Variants in LHFPL3 observed in about 807,000 individuals in gnomAD.
LHFPL3 encodes the protein LHFPL tetraspan subfamily member 3, also known as LHFPL tetraspan subfamily member 3 protein.
Under a neutral mutation model 19.3 loss-of-function variants are expected in LHFPL3, and 5 were observed. The ratio of observed to expected loss-of-function variants is 0.26; its 90% CI spans 0.14 to 0.54. The LOEUF is 0.54. LHFPL3 is among the 20% of genes least tolerant of loss of function. LHFPL3 has a pLI of 0.94. For missense variants in LHFPL3, 249 were observed against 307.4 expected, an observed-to-expected ratio of 0.81 and a Z score of 1.42; for synonymous variants, 133 against 126.2, an observed-to-expected ratio of 1.05 and a Z score of -0.36.
Position 104,544,031 on chromosome 7 carries a change from A to G in LHFPL3, c.446-192644A>G, listed in dbSNP as rs1028981014. Among the ~76,000 whole-genome samples the G allele has an allele frequency of 1.1e-4, 17 of 151,366 alleles. No homozygotes were observed. In the East Asian group the frequency reaches 2.9e-3, roughly 26 times the overall value. ...GTTCTGCACATGTATCCCAGAACTTAAAGTAAAATTAAAAAAAAAAAAAGC... is the reference window on the plus strand; with the variant it reads ...GTTCTGCACATGTATCCCAGAACTTGAAGTAAAATTAAAAAAAAAAAAAGC... On this transcript the variant is annotated intron_variant, in intron 1 of 2. Transcript: ENST00000424859.
chr7:104,727,194 T>C (rs1793608098), intron 1 of LHFPL3, among the ~76,000 whole-genome samples: 1 of 152,202 alleles, frequency 6.6e-6, no homozygotes, highest in African/African-American at 2.4e-5. Context: ...TTCTTGTAAA[T>C]TTGTTAAAGT....
rs185832533 is a variant in LHFPL3, at chr7:104,368,151, A to C, written c.445+38927A>C. ...ATTTAGACTTGATAGGTTTACTGTGAAATTCAGGAGGGCTGAATTAGGAGC... is the reference window on the plus strand; with the variant it reads ...ATTTAGACTTGATAGGTTTACTGTGCAATTCAGGAGGGCTGAATTAGGAGC... On this transcript the variant is annotated intron_variant, in intron 1 of 2. Transcript: ENST00000424859. Among the ~76,000 whole-genome samples, 207 of 152,312 alleles carry C rather than the reference A, an allele frequency of 1.4e-3. 1 individual carries two copies. The highest frequency in any genetic ancestry group is 4.7e-3 in the African/African-American group (196 of 41,568).
chr7:104,801,863 C>G (rs1790253899), intron 2 of LHFPL3, among the ~76,000 whole-genome samples: 1 of 152,200 alleles, frequency 6.6e-6, no homozygotes, highest in Admixed American at 6.5e-5. Flanking sequence ...AGCCACCATG[C>G]CCGGCCAAGT....
intron 2 of LHFPL3, chr7:104,744,134 A>C (rs565564069): frequency 2.0e-5 from 3 of 151,448 alleles, no homozygotes; most frequent in East Asian, 1.9e-4. Context: ...CATATAATCA[A>C]TTCTTATAGA....
chr7:104,736,660 CTCTT>C lies in LHFPL3; in HGVS notation c.446-11_446-8del. The C allele has an allele frequency of 6.4e-7, 1 of 1,562,774 alleles. No homozygotes were observed. The highest frequency in any genetic ancestry group is 8.8e-7 in the Non-Finnish European group (1 of 1,139,470). ...TCTTTTTTGTTTCTTTTGTTTTTCT[CTCTT>C]TCTCTCCAAGCTGCCTGCCTTGTGC... On this transcript the variant is annotated splice_polypyrimidine_tract_variant and intron_variant, in intron 1 of 2. Coordinates refer to ENST00000424859, the MANE Select transcript of LHFPL3 (RefSeq NM_199000.3).
chr7:104,445,043 A>G (rs1010386883), intron 1 of LHFPL3, among the ~76,000 whole-genome samples: 5 of 151,746 alleles, frequency 3.3e-5, no homozygotes, highest in African/African-American at 1.2e-4. Flanking sequence ...GATTAATTTG[A>G]ATATACTCTA....
intron 2 of LHFPL3, among the ~76,000 whole-genome samples, chr7:104,827,896 T>C (rs1169977629): frequency 6.6e-6 from 1 of 151,930 alleles, no homozygotes; most frequent in Non-Finnish European, 1.5e-5. Flanking sequence ...CAAAGGAGGC[T>C]AGACCCTCTT....
chr7:104,509,525 G>A (rs1266910610), intron 1 of LHFPL3, among the ~76,000 whole-genome samples: 1 of 151,778 alleles, frequency 6.6e-6, no homozygotes, highest in African/African-American at 2.4e-5. Context: ...TTTGATAAAA[G>A]TCAACACCCA....
intron 1 of LHFPL3, among the ~76,000 whole-genome samples, chr7:104,507,681 A>T (rs1459013190): frequency 1.6e-5 from 2 of 126,710 alleles, no homozygotes; most frequent in African/African-American, 5.8e-5. Flanking sequence ...AACCTACAAA[A>T]TGGGAGAAAA....
chr7:104,349,389 G>T (rs892416641), intron 1 of LHFPL3, among the ~76,000 whole-genome samples: 1 of 152,150 alleles, frequency 6.6e-6, no homozygotes, highest in South Asian at 2.1e-4. Context: ...GAGTGCAGTT[G>T]TAGAGTAGAT....
intron 1 of LHFPL3, among the ~76,000 whole-genome samples, chr7:104,345,800 A>G (rs532252239): frequency 3.3e-5 from 5 of 152,128 alleles, no homozygotes; most frequent in Non-Finnish European, 7.4e-5. Flanking sequence ...GCTCCTAGAT[A>G]CCTTCCCATT....
intron 1 of LHFPL3, among the ~76,000 whole-genome samples, chr7:104,679,646 A>T (rs942775028): frequency 2.6e-5 from 4 of 152,240 alleles, no homozygotes; most frequent in African/African-American, 9.6e-5. Context: ...AAGCCAAATG[A>T]CAGATTTTAG....
intron 2 of LHFPL3, among the ~76,000 whole-genome samples, chr7:104,830,183 T>C (rs917307613): frequency 6.6e-6 from 1 of 151,896 alleles, no homozygotes; most frequent in African/African-American, 2.4e-5. Flanking sequence ...GGGTTGTTTG[T>C]TTTTTTCTTG....
chr7:104,654,391 C>A (rs1792086872), intron 1 of LHFPL3, among the ~76,000 whole-genome samples: 1 of 152,130 alleles, frequency 6.6e-6, no homozygotes, highest in South Asian at 2.1e-4. Context: ...TAATGCTTTC[C>A]TACATCTAGT....
At chr7:104,420,181 G>C (rs1368742053) in intron 1 of LHFPL3, among the ~76,000 whole-genome samples, 1 of 152,162 alleles carries the variant, frequency 6.6e-6, no homozygotes, top group Non-Finnish European at 1.5e-5. Flanking sequence ...TCTTCTAGGA[G>C]GTACATCCAG....
chr7:104,571,941 A>G (rs1203123781), intron 1 of LHFPL3, among the ~76,000 whole-genome samples: 1 of 152,198 alleles, frequency 6.6e-6, no homozygotes, highest in African/African-American at 2.4e-5. Flanking sequence ...TTAAGTATGT[A>G]AAGTAGAATA....
rs574235461 is a variant in LHFPL3, at chr7:104,589,697, C to T, written c.446-146978C>T. On this transcript the variant is annotated intron_variant, in intron 1 of 2. Transcript: ENST00000424859. ...GTTTCAGAAGGCATGGTACCAGCTC[C>T]TCTTTGTACCTCTGGTAGAATTCGG... Among the ~76,000 whole-genome samples the T allele has an allele frequency of 2.8e-3, 419 of 152,262 alleles. 2 individuals are homozygous for T. The highest frequency in any genetic ancestry group is 4.4e-3 in the Admixed American group (67 of 15,292).
chr7:104,671,597 C>T (rs1415765522), intron 1 of LHFPL3, among the ~76,000 whole-genome samples: 2 of 140,516 alleles, frequency 1.4e-5, no homozygotes, highest in Non-Finnish European at 1.5e-5. Context: ...GAAAGAAATA[C>T]AAGGAAAAAA....
intron 1 of LHFPL3, among the ~76,000 whole-genome samples, chr7:104,644,857 T>C (rs901062826): frequency 6.6e-6 from 1 of 152,180 alleles, no homozygotes; most frequent in Admixed American, 6.5e-5. Flanking sequence ...GGCCCAAGCT[T>C]CATGCCAGAT....
Sources: gnomAD v4.1 joint callset for allele counts (sites outside exome capture counted in the v4.1 genomes callset) on GRCh38, gnomAD v4.1.1 for gene constraint, MANE v1.5 for transcripts, NCBI Gene and HGNC (gene_info 2026-07-23, HGNC 2026-07-21) for gene names.